ACTL8: variants seen among roughly 807,000 people sequenced by gnomAD.
ACTL8 encodes the protein actin like 8, also known as actin-like protein 8.
Under a neutral mutation model 9.3 loss-of-function variants are expected in ACTL8, and 3 were observed. The observed-to-expected ratio is 0.32, with a 90% confidence interval of 0.15 to 0.83. The LOEUF (loss-of-function observed/expected upper bound fraction) is 0.83. Ranked by LOEUF, ACTL8 falls within the 40% of genes least tolerant of loss-of-function variation. ACTL8 has a pLI of 0.57. For missense variants in ACTL8, 381 were observed against 492.2 expected (o/e 0.77, Z 2.14); for synonymous variants, 224 against 205.9 (o/e 1.09, Z -0.75).
At chr1:17,778,489 G>A (rs2066131473) in intron 1 of ACTL8, among the ~76,000 whole-genome samples, 1 of 152,134 alleles carries the variant, frequency 6.6e-6, no homozygotes, top group African/African-American at 2.4e-5. Context: ...CATGTTGTCG[G>A]GTGTGGCTCC....
chr1:17,777,550 T>A (rs2066126535), intron 1 of ACTL8, among the ~76,000 whole-genome samples: 1 of 152,192 alleles, frequency 6.6e-6, no homozygotes, highest in Non-Finnish European at 1.5e-5. Flanking sequence ...TCTGATAGAT[T>A]GGCCGTTGCT....
chr1:17,771,088 T>C (rs2102678304), intron 1 of ACTL8, among the ~76,000 whole-genome samples: 1 of 152,330 alleles, frequency 6.6e-6, no homozygotes, highest in East Asian at 1.9e-4. Flanking sequence ...AAACTTTTTC[T>C]GTAAAAGACC....
intron 1 of ACTL8, among the ~76,000 whole-genome samples, chr1:17,778,137 T>C (rs1444540889): frequency 1.3e-5 from 2 of 152,200 alleles, no homozygotes; most frequent in Non-Finnish European, 2.9e-5. Context: ...GGGGAACAGT[T>C]GGGAATTGCT....
chr1:17,784,195 A>G (rs1409550414), intron 1 of ACTL8, among the ~76,000 whole-genome samples: 1 of 152,222 alleles, frequency 6.6e-6, no homozygotes, highest in African/African-American at 2.4e-5. Context: ...GGAAGCAAGC[A>G]TCTTCTTAAC....
At chr1:17,771,304 T>G (rs2066081757) in intron 1 of ACTL8, among the ~76,000 whole-genome samples, 1 of 152,252 alleles carries the variant, frequency 6.6e-6, no homozygotes, top group Non-Finnish European at 1.5e-5. Flanking sequence ...CTGATTTTTT[T>G]TTTCAACATT....
chr1:17,774,731 G>A (rs2066107347), intron 1 of ACTL8, among the ~76,000 whole-genome samples: 1 of 152,128 alleles, frequency 6.6e-6, no homozygotes, highest in Non-Finnish European at 1.5e-5. Context: ...CCAACTCTGG[G>A]ACCACAGCAG....
At chr1:17,798,535 A>T (rs2066295139) in intron 1 of ACTL8, among the ~76,000 whole-genome samples, 1 of 152,118 alleles carries the variant, frequency 6.6e-6, no homozygotes, top group Non-Finnish European at 1.5e-5. Flanking sequence ...ATTCAAAAGG[A>T]CCAGAGAGTT....
rs1213596852 is a variant in ACTL8, at chr1:17,755,470, G to A, written c.-59G>A. The A allele has an allele frequency of 1.3e-5, 2 of 152,146 alleles. No homozygotes were observed. The highest frequency in any genetic ancestry group is 2.9e-5 in the Non-Finnish European group (2 of 68,046). The allele number at this position is 152,146 out of a possible 1,614,324, so 9.4% of individuals were successfully genotyped here. A position where few individuals can be genotyped will look rare whatever the true frequency, so the allele number is the denominator to read the frequency against. On this transcript the variant is annotated 5_prime_UTR_variant, in exon 1 of 3. Transcript: ENST00000375406. ...CTCTTGTGAGACACTGTTTCTGAGA[G>A]CAGCTTTTGTGGCATCTTACAGGGC...
At chr1:17,818,673 G>A (rs2053617371) in intron 1 of ACTL8, among the ~76,000 whole-genome samples, 1 of 152,150 alleles carries the variant, frequency 6.6e-6, no homozygotes. Context: ...TCAGTTTTCT[G>A]CTCAGATGTC....
In ACTL8 at chr1:17,826,346, C is replaced by T. The variant is rs778853933; in HGVS notation, c.928C>T (p.Arg310Cys). 1.9e-6 allele frequency: 3 copies of T among 1,613,966 alleles called. No individual in the cohort carries two copies. Among genetic ancestry groups the T allele is most frequent in the South Asian group, 1.1e-5 (1 of 91,014 alleles). Reference sequence around the variant, plus strand: ...CACCCTCTATCCCGGGTTCACAAAGCGCCTGTTCAGGGAGCTGATGGGGGA... The same window carrying T: ...CACCCTCTATCCCGGGTTCACAAAGTGCCTGTTCAGGGAGCTGATGGGGGA... ...GNTLYPGFTKRLFRELMGDHV... is the reference protein window; with the variant it reads ...GNTLYPGFTKCLFRELMGDHV... The change falls in exon 3 of 3, where the codon CGC becomes TGC. Residue 310 changes from arginine (R) to cysteine (C), a missense_variant. Arg to Cys is a radical substitution (Grantham distance 180). This residue lies in a region of ACTL8 where 243 missense variants were observed against 276.2 expected (regional missense o/e 0.88). Transcript: ENST00000375406. This position sits in a 1 kb window ranked among gnomAD's most constrained non-coding sequence, Gnocchi z 4.5.
In ACTL8 at chr1:17,765,990, C is replaced by A. The variant is rs547494946; in HGVS notation, c.-25+10486C>A. Among the ~76,000 whole-genome samples, 21 of 152,322 alleles carry A rather than the reference C, an allele frequency of 1.4e-4. No homozygotes were observed. In the South Asian group the frequency reaches 3.1e-3, roughly 23 times the overall value. The stretch of plus-strand genomic sequence containing the variant: ...CAACTTCCTGTGGCCTGCCCTCCTG[C>A]AGAGTAATTACTGTAATTTTCCCAG... On this transcript the variant is annotated intron_variant, in intron 1 of 2. Coordinates refer to ENST00000375406, the MANE Select transcript of ACTL8 (RefSeq NM_030812.3).
At chr1:17,789,586 T>C (rs1163184553) in intron 1 of ACTL8, among the ~76,000 whole-genome samples, 1 of 152,068 alleles carries the variant, frequency 6.6e-6, no homozygotes, top group Non-Finnish European at 1.5e-5. Flanking sequence ...CAATACAGAG[T>C]TGGGGAGCGT....
At chr1:17,783,969 A>G (rs1476120272) in intron 1 of ACTL8, among the ~76,000 whole-genome samples, 1 of 152,240 alleles carries the variant, frequency 6.6e-6, no homozygotes, top group Non-Finnish European at 1.5e-5. Context: ...CTCAAATTGC[A>G]GACTTGGCCG....
intron 1 of ACTL8, among the ~76,000 whole-genome samples, chr1:17,818,241 C>CA (rs2066440755): frequency 6.6e-6 from 1 of 152,230 alleles, no homozygotes. Flanking sequence ...TCTGGTCTAA[C>CA]ATTTCAGTCT....
intron 1 of ACTL8, among the ~76,000 whole-genome samples, chr1:17,774,463 G>C (rs923084835): frequency 3.3e-5 from 5 of 152,224 alleles, no homozygotes; most frequent in South Asian, 4.1e-4. Flanking sequence ...CTGGGGGTAG[G>C]GGGTGTTTAG....
chr1:17,820,417 G>T (rs889879093), intron 1 of ACTL8, among the ~76,000 whole-genome samples: 1 of 151,808 alleles, frequency 6.6e-6, no homozygotes, highest in African/African-American at 2.4e-5. Context: ...GAAGGACTTT[G>T]GGTTGGTTTC....
chr1:17,811,769 G>C (rs79778797), intron 1 of ACTL8, among the ~76,000 whole-genome samples: 24 of 151,944 alleles, frequency 1.6e-4, no homozygotes, highest in African/African-American at 5.1e-4. Context: ...CAATTGATTA[G>C]ATTTGTGTGA....
chr1:17,781,175 C>T (rs2066152131), intron 1 of ACTL8, among the ~76,000 whole-genome samples: 1 of 151,758 alleles, frequency 6.6e-6, no homozygotes, highest in South Asian at 2.1e-4. Context: ...CTTACATGGC[C>T]TTCCTCTCTG....
chr1:17,775,449 G>A (rs1360239336), intron 1 of ACTL8, among the ~76,000 whole-genome samples: 2 of 152,180 alleles, frequency 1.3e-5, no homozygotes, highest in East Asian at 1.9e-4. Context: ...GGAAGATTCC[G>A]GAGGGAAGTG....
Sources: allele counts gnomAD v4.1 joint callset (sites outside exome capture counted in the v4.1 genomes callset), GRCh38; gene constraint gnomAD v4.1.1; regional missense constraint gnomAD v4.1.1; non-coding constraint Gnocchi (gnomAD v3.1); transcripts MANE v1.5; gene names NCBI Gene and HGNC (gene_info 2026-07-23, HGNC 2026-07-21).